Variants in ERF observed in about 807,000 individuals in gnomAD.
ERF encodes ETS domain-containing transcription factor ERF.
In ERF, 10 loss-of-function variants were observed where a neutral mutation model predicts 41.6. That is an observed-to-expected ratio of 0.24 (90% CI 0.15 to 0.41). ERF has a LOEUF of 0.41. Among genes scored for constraint, ERF ranks in the 10% least tolerant of loss-of-function variants. The pLI is 1.00. For synonymous variants in ERF, 395 were observed against 342.4 expected, an observed-to-expected ratio of 1.15 and a Z score of -1.70; for missense variants, 621 against 763.2, an observed-to-expected ratio of 0.81 and a Z score of 2.19.
chr19:42,249,328 G>T lies in ERF; in HGVS notation c.784C>A (p.Pro262Thr), dbSNP rs777523115. The T allele has an allele frequency of 3.1e-6, 5 of 1,587,348 alleles. No individual in the cohort carries two copies. Among genetic ancestry groups the T allele is most frequent in the East Asian group, 2.3e-5 (1 of 43,962 alleles). Residue 262 changes from proline (P) to threonine (T), a missense_variant, in exon 4 of 4, where the codon CCT becomes ACT. Transcript: ENST00000222329. The surrounding 1 kb of genome is among the most constrained non-coding windows in gnomAD (Gnocchi z 8.6). ...PLAGPGSLLP[P>T]QLSPALPMTP... is the part of the protein sequence containing the mutation. ...ATGGGCAGAGCCGGGGAGAGCTGAG[G>T]GGGCAGCAGGGATCCAGGACCGGCC... is the stretch of plus-strand genomic sequence containing the variant.
rs751267889 is a variant in ERF at position 42,249,490 on chromosome 19, G to T, written c.622C>A (p.Pro208Thr). ...EPLGEDPRAR[P>T]PGPPDLGAFR... is the part of the protein sequence containing the mutation. Reference sequence around the variant, plus strand: ...GCACCCAGATCCGGAGGGCCGGGTGGTCGGGCGCGGGGATCCTCTCCCAGC... The same window carrying T: ...GCACCCAGATCCGGAGGGCCGGGTGTTCGGGCGCGGGGATCCTCTCCCAGC... The change falls in exon 4 of 4, where the codon CCA becomes ACA. Residue 208 changes from proline to threonine, a missense_variant. Physicochemically the swap from Pro to Thr is conservative, Grantham distance 38. Around this residue, in one of 3 missense-constraint regions of ERF, gnomAD observed 569 missense variants for 625.5 expected, o/e 0.91. Coordinates refer to ENST00000222329, the MANE Select transcript of ERF (RefSeq NM_006494.4). This position sits in a 1 kb window ranked among gnomAD's most constrained non-coding sequence, Gnocchi z 8.6. 1 of 1,610,438 alleles carries T rather than the reference G, an allele frequency of 6.2e-7. No homozygotes were observed. Among genetic ancestry groups the T allele is most frequent in the Middle Eastern group, 1.7e-4 (1 of 6,052 alleles).
At chr19:42,251,964 A>T (rs2036452568) in intron 1 of ERF, among the ~76,000 whole-genome samples, 1 of 152,048 alleles carries the variant, frequency 6.6e-6, no homozygotes, top group Non-Finnish European at 1.5e-5. Context: ...TGCCAGGGAT[A>T]TGACCTCCAG....
In ERF at chr19:42,248,607, C is replaced by G. The variant is rs199548884; in HGVS notation, c.1505G>C (p.Gly502Ala). Residue 502 changes from glycine to alanine, a missense_variant, in exon 4 of 4, where the codon GGG becomes GCG. Gly to Ala is a moderately conservative substitution (Grantham distance 60). Coordinates refer to ENST00000222329, the MANE Select transcript of ERF (RefSeq NM_006494.4). The surrounding 1 kb of genome is among the most constrained non-coding windows in gnomAD (Gnocchi z 4.2). The stretch of plus-strand genomic sequence containing the variant: ...GTCCTCACCCTCATCCTCAAAGCCC[C>G]CAGCGGGGCCCCCACCCCCTTCGAG... ...CRLEGGGGPA[G>A]GFEDEGEDKK... The G allele has an allele frequency of 1.9e-6, 3 of 1,580,928 alleles. No homozygotes were observed. The highest frequency in any genetic ancestry group is 2.3e-5 in the South Asian group (2 of 86,696).
rs1272164071 is a variant in ERF at position 42,250,272 on chromosome 19, G to C, written c.257+59C>G. The C allele has an allele frequency of 6.4e-7, 1 of 1,567,816 alleles. No homozygotes were observed. Among genetic ancestry groups the C allele is most frequent in the East Asian group, 2.2e-5 (1 of 44,542 alleles). The stretch of plus-strand genomic sequence containing the variant: ...CAATGCTTGTTCCCACAGGCAAGGG[G>C]CTGTGCAACCCCGGGGGGGCACTCC... On this transcript the variant is annotated intron_variant, in intron 2 of 3. Coordinates refer to ENST00000222329, the MANE Select transcript of ERF (RefSeq NM_006494.4). This position sits in a 1 kb window ranked among gnomAD's most constrained non-coding sequence, Gnocchi z 5.1.
chr19:42,248,664 C>G lies in ERF; in HGVS notation c.1448G>C (p.Arg483Pro). 6.2e-7 allele frequency: 1 copy of G among 1,604,390 alleles called. No homozygotes were observed. The highest frequency in any genetic ancestry group is 8.5e-7 in the Non-Finnish European group (1 of 1,173,236). The change falls in exon 4 of 4, where the codon CGC becomes CCC. Residue 483 changes from arginine to proline, a missense_variant. Physicochemically the swap from Arg to Pro is moderately radical, Grantham distance 103. Around this residue, in one of 3 missense-constraint regions of ERF, gnomAD observed 569 missense variants for 625.5 expected, o/e 0.91. Coordinates refer to ENST00000222329, the MANE Select transcript of ERF (RefSeq NM_006494.4). This position sits in a 1 kb window ranked among gnomAD's most constrained non-coding sequence, Gnocchi z 4.2. The part of the protein sequence containing the change: ...GASQCMPLKL[R>P]FKRRWSEDCR... ...GTCTTCACTCCAGCGCCGCTTAAAG[C>G]GTAGCTTGAGGGGCATGCACTGGGA...
Position 42,249,976 on chromosome 19 carries a change from G to A in ERF, c.258-34C>T, listed in dbSNP as rs753911446. The A allele has an allele frequency of 1.3e-6, 2 of 1,596,688 alleles. No homozygotes were observed. The highest frequency in any genetic ancestry group is 1.1e-5 in the South Asian group (1 of 90,722). On this transcript the variant is annotated intron_variant, in intron 2 of 3. Coordinates refer to ENST00000222329, the MANE Select transcript of ERF (RefSeq NM_006494.4). The surrounding 1 kb of genome is among the most constrained non-coding windows in gnomAD (Gnocchi z 8.6). Reference sequence around the variant, plus strand: ...ACAGAAATGCCATTGGGAAGGTCAGGTACGTGGGACCCAGGTCTAGACTCC... The same window carrying A: ...ACAGAAATGCCATTGGGAAGGTCAGATACGTGGGACCCAGGTCTAGACTCC...
chr19:42,254,317 T>C (rs912179835), intron 1 of ERF, among the ~76,000 whole-genome samples: 1 of 151,762 alleles, frequency 6.6e-6, no homozygotes, highest in Non-Finnish European at 1.5e-5. Flanking sequence ...TACCCAGGTC[T>C]CCCCGGAGCC....
rs1461156380 is a variant in ERF, at chr19:42,248,831, C to A, written c.1281G>T (p.Val427=). ...APPPPPPQIK[V]EPISEGESEE... ...CCGACTCGCCTTCCGAGATGGGCTC[C>A]ACCTTGATCTGTGGTGGCGGGGGCG... The change falls in exon 4 of 4, where the codon GTG becomes GTT. Residue 427 remains valine (V), a synonymous_variant. Coordinates refer to ENST00000222329, the MANE Select transcript of ERF (RefSeq NM_006494.4). The surrounding 1 kb of genome is among the most constrained non-coding windows in gnomAD (Gnocchi z 4.2). The A allele has an allele frequency of 6.2e-7, 1 of 1,612,952 alleles. No homozygotes were observed. Among genetic ancestry groups the A allele is most frequent in the Non-Finnish European group, 8.5e-7 (1 of 1,179,778 alleles).
Position 42,248,352 on chromosome 19 carries a change from G to A in ERF, c.*113C>T, listed in dbSNP as rs1207802845. The A allele has an allele frequency of 1.1e-6, 1 of 943,536 alleles. No homozygotes were observed. The allele number at this position is 943,536 out of a possible 1,614,324, so 58.4% of individuals were successfully genotyped here. A position where few individuals can be genotyped will look rare whatever the true frequency, so the allele number is the denominator to read the frequency against. On this transcript the variant is annotated 3_prime_UTR_variant, in exon 4 of 4. Coordinates refer to ENST00000222329, the MANE Select transcript of ERF (RefSeq NM_006494.4). The surrounding 1 kb of genome is among the most constrained non-coding windows in gnomAD (Gnocchi z 4.2). ...ATACAAAATGTGGGGAGGGAAAAGG[G>A]AGGAGGCAGGGAAGAGACAAGAGAG...
rs1278406403 is a variant in ERF, at chr19:42,249,307, G to A, written c.805C>T (p.Pro269Ser). The change falls in exon 4 of 4, where the codon CCC becomes TCC. Residue 269 changes from proline (P) to serine (S), a missense_variant. Physicochemically the swap from Pro to Ser is moderately conservative, Grantham distance 74. Coordinates refer to ENST00000222329, the MANE Select transcript of ERF (RefSeq NM_006494.4). The surrounding 1 kb of genome is among the most constrained non-coding windows in gnomAD (Gnocchi z 8.6). ...LLPPQLSPALPMTPTHLAYTP... is the reference protein window; with the variant it reads ...LLPPQLSPALSMTPTHLAYTP... ...TAGGCCAGGTGGGTGGGCGTCATGG[G>A]CAGAGCCGGGGAGAGCTGAGGGGGC... The A allele has an allele frequency of 1.3e-6, 2 of 1,595,022 alleles. No homozygotes were observed. The highest frequency in any genetic ancestry group is 1.8e-5 in the Admixed American group (1 of 56,126).
Position 42,249,240 on chromosome 19 carries a change from C to T in ERF, c.872G>A (p.Gly291Asp). 1 of 1,613,114 alleles carries T rather than the reference C, an allele frequency of 6.2e-7. No individual in the cohort carries two copies. Among genetic ancestry groups the T allele is most frequent in the South Asian group, 1.1e-5 (1 of 91,022 alleles). ...TCCCCCTGAGCCGCTGGGCCCCCCG[C>T]CACCACTGGGGTACATCGGGCTCAG... ...PTLSPMYPSG[G>D]GGPSGSGGGS... Residue 291 changes from glycine to aspartate, a missense_variant, in exon 4 of 4, where the codon GGC becomes GAC. Coordinates refer to ENST00000222329, the MANE Select transcript of ERF (RefSeq NM_006494.4). This position sits in a 1 kb window ranked among gnomAD's most constrained non-coding sequence, Gnocchi z 8.6.
Position 42,249,443 on chromosome 19 carries a change from G to A in ERF, c.669C>T (p.Ala223=). ...AGACACCAGGGTCATGGGGCAGGCG[G>A]GCCAGCGGGGGCCCTCGGAAGGCAC... is the stretch of plus-strand genomic sequence containing the variant. The part of the protein sequence containing the change: ...DLGAFRGPPL[A]RLPHDPGVFR... Residue 223 remains alanine (A), a synonymous_variant, in exon 4 of 4, where the codon GCC becomes GCT. Coordinates refer to ENST00000222329, the MANE Select transcript of ERF (RefSeq NM_006494.4). This position sits in a 1 kb window ranked among gnomAD's most constrained non-coding sequence, Gnocchi z 8.6. 1 of 1,594,192 alleles carries A rather than the reference G, an allele frequency of 6.3e-7. No individual in the cohort carries two copies. Among genetic ancestry groups the A allele is most frequent in the Non-Finnish European group, 8.5e-7 (1 of 1,170,958 alleles).
chr19:42,254,896 A>C, intron 1 of ERF, 82 bp downstream of exon 1: 1 of 1,425,898 alleles, frequency 7.0e-7, no homozygotes, highest in Non-Finnish European at 9.3e-7. Flanking sequence ...GCTCCCCCGG[A>C]CCCCTTCAGC....
At position 42,250,079 on chromosome 19, in the gene ERF, C is replaced by T. The variant is rs963272925; in HGVS notation, c.258-137G>A. ...GGCCACAAAAGACAAATCAAGTGCCCAGAGGGTGGGTACCAGCTCTCTCCT... is the reference window on the plus strand; with the variant it reads ...GGCCACAAAAGACAAATCAAGTGCCTAGAGGGTGGGTACCAGCTCTCTCCT... On this transcript the variant is annotated intron_variant, in intron 2 of 3. Transcript: ENST00000222329. The surrounding 1 kb of genome is among the most constrained non-coding windows in gnomAD (Gnocchi z 5.1). The T allele has an allele frequency of 1.1e-6, 1 of 896,926 alleles. No individual in the cohort carries two copies. The highest frequency in any genetic ancestry group is 1.8e-6 in the Non-Finnish European group (1 of 556,366). The allele number at this position is 896,926 out of a possible 1,614,324, so 55.6% of individuals were successfully genotyped here. A position where few individuals can be genotyped will look rare whatever the true frequency, so the allele number is the denominator to read the frequency against.
At chr19:42,251,357 T>C in intron 1 of ERF, 1 of 981,270 alleles carries the variant, frequency 1.0e-6, no homozygotes, top group Non-Finnish European at 1.2e-6. Context: ...GCTCCTTCCC[T>C]GCCCACCTGC....
chr19:42,254,470 G>C (rs1299165447), intron 1 of ERF: 1 of 153,112 alleles, frequency 6.5e-6, no homozygotes, highest in Non-Finnish European at 1.5e-5. Flanking sequence ...GGCGCAGCCA[G>C]GACCCCGAGT....
chr19:42,252,184 G>A (rs1374346416), intron 1 of ERF, among the ~76,000 whole-genome samples: 2 of 152,168 alleles, frequency 1.3e-5, no homozygotes. Flanking sequence ...CCAGCTTCAT[G>A]GACCCTCATA....
intron 1 of ERF, chr19:42,253,946 G>A: frequency 9.8e-7 from 1 of 1,025,510 alleles, no homozygotes; most frequent in Middle Eastern, 4.9e-4. Flanking sequence ...CCCCGTCCCC[G>A]CCCCGGGCCG....
chr19:42,254,190 G>A (rs1599829500), intron 1 of ERF, among the ~76,000 whole-genome samples: 1 of 151,684 alleles, frequency 6.6e-6, no homozygotes, highest in East Asian at 2.0e-4. Context: ...GGGAAGAGAC[G>A]GCCCGCTGAA....
Sources: gnomAD v4.1 joint callset for allele counts (sites outside exome capture counted in the v4.1 genomes callset) on GRCh38, gnomAD v4.1.1 for gene constraint, gnomAD v4.1.1 regional missense constraint, Gnocchi (gnomAD v3.1) non-coding constraint, MANE v1.5 for transcripts, NCBI Gene and HGNC (gene_info 2026-07-23, HGNC 2026-07-21) for gene names.